CHD9: variants seen among roughly 807,000 people sequenced by gnomAD.
The protein encoded by CHD9 is ATP-dependent chromatin remodeler CHD9.
Under a neutral mutation model 316.1 loss-of-function variants are expected in CHD9, and 77 were observed. The observed-to-expected ratio is 0.24, with a 90% CI of 0.20 to 0.29. The LOEUF (loss-of-function observed/expected upper bound fraction) is 0.29, where lower values mean the gene tolerates loss of function less well. CHD9 is among the 10% of genes least tolerant of loss of function. The pLI, the probability that CHD9 is intolerant of heterozygous loss-of-function variation, is 1.00. For synonymous variants in CHD9, 1,129 were observed against 1,158.3 expected, an observed-to-expected ratio of 0.97 and a Z score of 0.51; for missense variants, 2,763 against 3,438.1, an observed-to-expected ratio of 0.80 and a Z score of 4.91.
intron 1 of CHD9, among the ~76,000 whole-genome samples, chr16:53,086,272 T>C (rs2152543553): frequency 6.6e-6 from 1 of 152,306 alleles, no homozygotes; most frequent in African/African-American, 2.4e-5. Context: ...TTTTCTTAAC[T>C]ACCAAGAGGC....
At chr16:53,220,765 C>G (rs2047169748) in intron 3 of CHD9, among the ~76,000 whole-genome samples, 1 of 152,178 alleles carries the variant, frequency 6.6e-6, no homozygotes, top group South Asian at 2.1e-4. Context: ...TTCACCCATT[C>G]TGGTTGTCCA....
chr16:53,289,870 T>A (rs1446734140), intron 27 of CHD9, among the ~76,000 whole-genome samples: 1 of 152,080 alleles, frequency 6.6e-6, no homozygotes, highest in Non-Finnish European at 1.5e-5. Context: ...CCCTGTAAGG[T>A]TGCCAAGGAA....
chr16:53,257,986 G>C (rs968987740), intron 19 of CHD9, among the ~76,000 whole-genome samples: 1 of 152,076 alleles, frequency 6.6e-6, no homozygotes, highest in African/African-American at 2.4e-5. Context: ...TGTCCTTGTT[G>C]ATTAGGCCAA....
At chr16:53,244,773 C>T (rs1558681) in intron 13 of CHD9, among the ~76,000 whole-genome samples, 67,154 of 151,710 alleles carry the variant, frequency 0.44, 15,268 homozygotes, top group South Asian at 0.57. Flanking sequence ...TTTTAAAAAG[C>T]GATTGGGAAA....
At chr16:53,292,289 A>C (rs1405712859) in intron 28 of CHD9, among the ~76,000 whole-genome samples, 1 of 152,232 alleles carries the variant, frequency 6.6e-6, no homozygotes, top group East Asian at 1.9e-4. Context: ...AGTATGAATG[A>C]CTACAGCTTG....
At chr16:53,253,128 G>T (rs760785970) in intron 17 of CHD9, among the ~76,000 whole-genome samples, 3 of 152,114 alleles carry the variant, frequency 2.0e-5, no homozygotes, top group Non-Finnish European at 2.9e-5. Flanking sequence ...ATTCACAATA[G>T]CAAAATTGTG....
At chr16:53,174,116 C>G (rs1007071630) in intron 2 of CHD9, among the ~76,000 whole-genome samples, 3 of 152,226 alleles carry the variant, frequency 2.0e-5, no homozygotes, top group Admixed American at 6.5e-5. Flanking sequence ...AACCCACTCT[C>G]TACAAAAAAA....
chr16:53,247,158 A>G, intron 15 of CHD9, 135 bp from the exon 16 acceptor site: 1 of 640,186 alleles, frequency 1.6e-6, no homozygotes, highest in Non-Finnish European at 2.7e-6. Context: ...AATAATTCTA[A>G]TAAAAGCAAT....
At position 53,229,988 on chromosome 16, in the gene CHD9, TC is replaced by T. The variant is rs2048028292; in HGVS notation, c.2286+890del. Reference sequence around the variant, plus strand: ...TGTGTGTGTGTTTATTTTTATCTGGTCCAGAGTCTAATCCAGCAGCACATGT... The same window carrying T: ...TGTGTGTGTGTTTATTTTTATCTGGTCAGAGTCTAATCCAGCAGCACATGT... On this transcript the variant is annotated intron_variant, in intron 8 of 38. Coordinates refer to ENST00000447540, the MANE Select transcript of CHD9 (RefSeq NM_001308319.2). 2.0e-5 allele frequency among the ~76,000 whole-genome samples: 3 copies of T among 152,306 alleles called. No homozygotes were observed. In the South Asian group the frequency reaches 6.2e-4, roughly 32 times the overall value.
chr16:53,286,398 C>T, intron 26 of CHD9, 55 bp downstream of exon 26: 1 of 907,994 alleles, frequency 1.1e-6, no homozygotes, highest in East Asian at 2.5e-5. Flanking sequence ...TATTCAATAT[C>T]AGCATATTCT....
At chr16:53,142,214 G>A (rs985876442) in intron 1 of CHD9, among the ~76,000 whole-genome samples, 9 of 152,174 alleles carry the variant, frequency 5.9e-5, no homozygotes, top group Admixed American at 2.6e-4. Flanking sequence ...ATAGGTCGAT[G>A]AGAGGGAAAT....
At chr16:53,290,222 T>C (rs926756443) in intron 27 of CHD9, among the ~76,000 whole-genome samples, 2 of 152,086 alleles carry the variant, frequency 1.3e-5, no homozygotes, top group African/African-American at 4.8e-5. Flanking sequence ...TGCAGTGAGC[T>C]GAGATTGTGC....
chr16:53,308,911 C>A, intron 34 of CHD9, 57 bp downstream of exon 34: 3 of 1,376,604 alleles, frequency 2.2e-6, no homozygotes, highest in Admixed American at 2.2e-5. Flanking sequence ...ATGTCCAAAT[C>A]TTCTTTTATA....
At chr16:53,230,195 T>C (rs1015181655) in intron 8 of CHD9, among the ~76,000 whole-genome samples, 21 of 152,222 alleles carry the variant, frequency 1.4e-4, no homozygotes, top group African/African-American at 4.8e-4. Flanking sequence ...ATTCTTCCAG[T>C]GAATGATATA....
At chr16:53,175,950 T>C (rs1043151910) in intron 2 of CHD9, among the ~76,000 whole-genome samples, 3 of 152,230 alleles carry the variant, frequency 2.0e-5, no homozygotes, top group African/African-American at 7.2e-5. Context: ...GGCAGGACTC[T>C]GGGGCCCATA....
At chr16:53,103,560 G>C (rs1480974671) in intron 1 of CHD9, among the ~76,000 whole-genome samples, 1 of 152,172 alleles carries the variant, frequency 6.6e-6, no homozygotes, top group Non-Finnish European at 1.5e-5. Flanking sequence ...TAAATAGGGA[G>C]CGTTAACCTC....
At chr16:53,161,963 A>G (rs994177959) in intron 2 of CHD9, among the ~76,000 whole-genome samples, 1 of 152,168 alleles carries the variant, frequency 6.6e-6, no homozygotes, top group Non-Finnish European at 1.5e-5. Context: ...CATGTTGGCC[A>G]GCCTGGTCTC....
At chr16:53,122,873 ATTTTTTT>A (rs35194227) in intron 1 of CHD9, among the ~76,000 whole-genome samples, 2 of 139,146 alleles carry the variant, frequency 1.4e-5, no homozygotes, top group African/African-American at 5.3e-5. Context: ...CGCCCGGCTA[ATTTTTTT>A]TTTTTTTTTG....
intron 31 of CHD9, among the ~76,000 whole-genome samples, chr16:53,305,029 G>A (rs1284803911): frequency 1.3e-5 from 2 of 151,234 alleles, no homozygotes; most frequent in Admixed American, 6.6e-5. Context: ...AAAAGAACTC[G>A]TTTCAGGTAA....
Sources: gnomAD v4.1 joint callset for allele counts (sites outside exome capture counted in the v4.1 genomes callset) on GRCh38, gnomAD v4.1.1 for gene constraint, MANE v1.5 for transcripts, NCBI Gene and HGNC (gene_info 2026-07-23, HGNC 2026-07-21) for gene names.